MAST4: variants seen among roughly 807,000 people sequenced by gnomAD.
MAST4 encodes the protein microtubule associated serine/threonine kinase family member 4, also known as microtubule-associated serine/threonine-protein kinase 4.
In MAST4, 89 loss-of-function variants were observed where a neutral mutation model predicts 162.7. That is an observed-to-expected ratio of 0.55 (90% CI 0.46 to 0.65). The LOEUF (loss-of-function observed/expected upper bound fraction) is 0.65. Ranked by LOEUF, MAST4 falls within the 30% of genes least tolerant of loss-of-function variation. The probability of loss-of-function intolerance (pLI) is 0.00; values close to 1 mark genes in which losing one functional copy is unlikely to be tolerated. For missense variants in MAST4, 3,153 were observed against 3,374.0 expected, an observed-to-expected ratio of 0.93 and a Z score of 1.62; for synonymous variants, 1,479 against 1,361.1, an observed-to-expected ratio of 1.09 and a Z score of -1.91.
intron 1 of MAST4, among the ~76,000 whole-genome samples, chr5:66,711,040 C>A (rs1750465297): frequency 6.6e-6 from 1 of 152,196 alleles, no homozygotes; most frequent in Non-Finnish European, 1.5e-5. Flanking sequence ...TAACCTCTAA[C>A]ACTGTGGATT....
intron 3 of MAST4, among the ~76,000 whole-genome samples, chr5:66,837,888 ATATATATTTTTTTTTTTTTTTTTT>A (rs1165097073): frequency 5.7e-5 from 2 of 34,948 alleles, no homozygotes; most frequent in African/African-American, 3.0e-4. Flanking sequence ...ATATATATAT[ATATATATTTTTTTTTTTTTTTTTT>A]TTTTTAATGT....
At chr5:67,124,265 C>T (rs1369531769) in intron 14 of MAST4, among the ~76,000 whole-genome samples, 1 of 152,136 alleles carries the variant, frequency 6.6e-6, no homozygotes, top group Non-Finnish European at 1.5e-5. Context: ...GCAGCCTCTT[C>T]AAAGAAAGCA....
At chr5:66,804,786 G>A (rs1246751345) in intron 3 of MAST4, among the ~76,000 whole-genome samples, 1 of 152,022 alleles carries the variant, frequency 6.6e-6, no homozygotes, top group Non-Finnish European at 1.5e-5. Context: ...ACTTTTAATT[G>A]ATCCAAATTT....
chr5:66,760,312 C>T (rs1259042329), intron 2 of MAST4, among the ~76,000 whole-genome samples: 4 of 151,798 alleles, frequency 2.6e-5, no homozygotes, highest in African/African-American at 9.7e-5. Flanking sequence ...GACGGGGTTT[C>T]ACCGTGTTGG....
At position 66,784,457 on chromosome 5, in the gene MAST4, A is replaced by G. The variant is rs563378645; in HGVS notation, c.518-4213A>G. Among the ~76,000 whole-genome samples the G allele has an allele frequency of 4.6e-5, 7 of 152,258 alleles. No homozygotes were observed. The South Asian group carries it at 1.0e-3, about 23-fold the overall frequency. ...CCACAAGTCAAAAACTTAATTCTTC[A>G]TTTACACTTCTAAGTTGAAGTAGCA... On this transcript the variant is annotated intron_variant, in intron 2 of 28. Transcript: ENST00000403625.
intron 1 of MAST4, among the ~76,000 whole-genome samples, chr5:66,734,433 C>G (rs116593068): frequency 6.6e-6 from 1 of 152,174 alleles, no homozygotes; most frequent in Admixed American, 6.5e-5. Context: ...GCCATTGATC[C>G]ATTGCACTCA....
chr5:66,779,810 T>G (rs903347631), intron 2 of MAST4, among the ~76,000 whole-genome samples: 1 of 152,214 alleles, frequency 6.6e-6, no homozygotes, highest in Non-Finnish European at 1.5e-5. Flanking sequence ...TGCCCAGATT[T>G]AGACAGTGAC....
At chr5:66,944,290 G>T (rs1743719842) in intron 4 of MAST4, among the ~76,000 whole-genome samples, 1 of 152,112 alleles carries the variant, frequency 6.6e-6, no homozygotes, top group South Asian at 2.1e-4. Flanking sequence ...TTGCTTCAAA[G>T]GTCACCATCT....
intron 4 of MAST4, among the ~76,000 whole-genome samples, chr5:66,928,756 C>G (rs889451890): frequency 1.3e-5 from 2 of 152,170 alleles, no homozygotes; most frequent in African/African-American, 4.8e-5. Flanking sequence ...GTCATACCAG[C>G]CTTAATTCTT....
At chr5:66,997,419 T>C (rs550103206) in intron 4 of MAST4, among the ~76,000 whole-genome samples, 4 of 143,650 alleles carry the variant, frequency 2.8e-5, no homozygotes, top group Non-Finnish European at 5.9e-5. Context: ...ATTAATGTGT[T>C]TTTTTTCTTT....
intron 1 of MAST4, among the ~76,000 whole-genome samples, chr5:66,692,987 T>A (rs937995300): frequency 2.1e-5 from 3 of 144,070 alleles, no homozygotes; most frequent in Non-Finnish European, 4.6e-5. Context: ...AGTTTGTATT[T>A]TTTTTTTTTT....
intron 1 of MAST4, among the ~76,000 whole-genome samples, chr5:66,600,209 A>T (rs1477900974): frequency 6.6e-6 from 1 of 152,206 alleles, no homozygotes. Context: ...TTTTATGTCA[A>T]ACACATGACA....
At chr5:66,971,816 C>G (rs1214822173) in intron 4 of MAST4, among the ~76,000 whole-genome samples, 2 of 151,922 alleles carry the variant, frequency 1.3e-5, no homozygotes, top group African/African-American at 4.8e-5. Context: ...TTCTTTGTGA[C>G]AGGAGAAAAA....
intron 4 of MAST4, among the ~76,000 whole-genome samples, chr5:66,910,634 G>T (rs937525041): frequency 6.6e-6 from 1 of 151,594 alleles, no homozygotes; most frequent in African/African-American, 2.4e-5. Flanking sequence ...ACACCAAATG[G>T]TTTTCAGGGT....
intron 4 of MAST4, among the ~76,000 whole-genome samples, chr5:67,037,558 T>A (rs1050432835): frequency 6.6e-6 from 1 of 152,216 alleles, no homozygotes; most frequent in Non-Finnish European, 1.5e-5. Flanking sequence ...CTGGATCTTA[T>A]CAATTTTTAA....
chr5:66,723,564 T>C (rs549204563), intron 1 of MAST4, among the ~76,000 whole-genome samples: 2 of 152,302 alleles, frequency 1.3e-5, no homozygotes, highest in Admixed American at 6.5e-5. Flanking sequence ...ATTTTTTATT[T>C]TTGATCACAT....
intron 9 of MAST4, 94 bp downstream of exon 9, chr5:67,102,705 C>T: frequency 1.1e-6 from 1 of 925,184 alleles, no homozygotes; most frequent in Non-Finnish European, 1.8e-6. Context: ...AAGTAAGGGT[C>T]CAATCTAGTA....
At chr5:66,729,307 TG>T (rs1398769800) in intron 1 of MAST4, among the ~76,000 whole-genome samples, 4 of 152,176 alleles carry the variant, frequency 2.6e-5, no homozygotes, top group African/African-American at 9.7e-5. Context: ...AATCAGGTAT[TG>T]GGGGTATATG....
At chr5:66,828,837 G>C in intron 3 of MAST4, 2 of 1,606,520 alleles carry the variant, frequency 1.2e-6, no homozygotes, top group South Asian at 1.1e-5. Flanking sequence ...AGAAAGCAGA[G>C]GGTGAGATGG....
Sources: allele counts gnomAD v4.1 joint callset (sites outside exome capture counted in the v4.1 genomes callset), GRCh38; gene constraint gnomAD v4.1.1; transcripts MANE v1.5; gene names NCBI Gene and HGNC (gene_info 2026-07-23, HGNC 2026-07-21).